The following BPTF variants were observed in gnomAD, a reference collection of about 807,000 sequenced individuals.
BPTF encodes nucleosome-remodeling factor subunit BPTF.
BPTF carries 18 observed loss-of-function variants against 292.5 expected under a neutral mutation model. That is an observed-to-expected ratio of 0.06 (90% CI 0.04 to 0.09). BPTF has a LOEUF of 0.09. BPTF is among the 10% of genes least tolerant of loss of function. The probability of loss-of-function intolerance (pLI) is 1.00; values close to 1 mark genes in which losing one functional copy is unlikely to be tolerated. For synonymous variants in BPTF, 1,225 were observed against 1,251.9 expected, an observed-to-expected ratio of 0.98 and a Z score of 0.45; for missense variants, 2,726 against 3,498.7, an observed-to-expected ratio of 0.78 and a Z score of 5.57.
chr17:67,835,909 C>T (rs1256224512), intron 1 of BPTF, among the ~76,000 whole-genome samples: 2 of 152,082 alleles, frequency 1.3e-5, no homozygotes, highest in Non-Finnish European at 2.9e-5. Flanking sequence ...TTGTGATCCG[C>T]CCACCTCAGC....
intron 1 of BPTF, among the ~76,000 whole-genome samples, chr17:67,828,459 A>C (rs1423444330): frequency 6.6e-6 from 1 of 152,198 alleles, no homozygotes; most frequent in Non-Finnish European, 1.5e-5. Flanking sequence ...GCATATGCTG[A>C]CTTAAATTAC....
chr17:67,975,841 T>C lies in BPTF; in HGVS notation c.8609T>C (p.Met2870Thr), dbSNP rs782736894. ...YEKLTEFVADMTKIFDNCRYY... is the reference protein window; with the variant it reads ...YEKLTEFVADTTKIFDNCRYY... Reference sequence around the variant, plus strand: ...AAGCTGACGGAATTTGTGGCAGATATGACCAAAATTTTTGATAACTGTCGT... The same window carrying C: ...AAGCTGACGGAATTTGTGGCAGATACGACCAAAATTTTTGATAACTGTCGT... Residue 2870 changes from methionine (M) to threonine (T), a missense_variant, in exon 27 of 28, where the codon ATG (methionine) becomes ACG (threonine). Coordinates refer to ENST00000306378, the MANE Select transcript of BPTF (RefSeq NM_182641.4). 3.1e-6 allele frequency: 5 copies of C among 1,613,988 alleles called. No homozygotes were observed. The highest frequency in any genetic ancestry group is 2.2e-5 in the East Asian group (1 of 44,882).
intron 1 of BPTF, among the ~76,000 whole-genome samples, chr17:67,844,715 A>G (rs1254076482): frequency 1.3e-5 from 2 of 151,812 alleles, no homozygotes; most frequent in East Asian, 1.9e-4. Context: ...GCCTTACAGT[A>G]TGTCTCACCA....
rs1325793787 is a variant in BPTF, at chr17:67,911,254, C to A, written c.3370C>A (p.Gln1124Lys). 6.2e-7 allele frequency: 1 copy of A among 1,613,862 alleles called. No homozygotes were observed. Among genetic ancestry groups the A allele is most frequent in the East Asian group, 2.2e-5 (1 of 44,874 alleles). ...TCAGAGTGACTCGATGAGACAAGAA[C>A]AGAGCCCAAATGCAAATAATGATCA... ...GCQSDSMRQE[Q>K]SPNANNDQPE... is the part of the protein sequence containing the mutation. The change falls in exon 11 of 28, where the codon CAG becomes AAG. Residue 1124 changes from glutamine (Q) to lysine (K), a missense_variant. Transcript: ENST00000306378.
chr17:67,940,512 G>A lies in BPTF; in HGVS notation c.6333G>A (p.Thr2111=), dbSNP rs550599474. The A allele has an allele frequency of 9.3e-6, 15 of 1,613,994 alleles. No homozygotes were observed. The East Asian group carries it at 1.1e-4, about 12-fold the overall frequency. The change falls in exon 19 of 28, where the codon ACG becomes ACA. Residue 2111 remains threonine (T), a synonymous_variant. Transcript: ENST00000306378. Reference sequence around the variant, plus strand: ...CCACTGCAGTCTCCGCCCCTAACACGGTTTCCTCAACACCTGGGCAGAAAA... The same window carrying A: ...CCACTGCAGTCTCCGCCCCTAACACAGTTTCCTCAACACCTGGGCAGAAAA... The part of the protein sequence containing the change: ...PVSTAVSAPN[T]VSSTPGQKSL...
chr17:67,923,144 C>T (rs977681794), intron 14 of BPTF, among the ~76,000 whole-genome samples, 154 bp downstream of exon 14: 1 of 151,604 alleles, frequency 6.6e-6, no homozygotes, highest in Non-Finnish European at 1.5e-5. Context: ...CAACCTCTGC[C>T]TCCCAGGCTC....
At chr17:67,852,167 A>G (rs901450228) in intron 1 of BPTF, among the ~76,000 whole-genome samples, 1 of 152,138 alleles carries the variant, frequency 6.6e-6, no homozygotes, top group African/African-American at 2.4e-5. Context: ...GAATCTTTGA[A>G]TTTAGTATAA....
chr17:67,843,250 A>G (rs1238826051), intron 1 of BPTF, among the ~76,000 whole-genome samples: 5 of 150,558 alleles, frequency 3.3e-5, no homozygotes, highest in South Asian at 4.2e-4. Flanking sequence ...ACATGTAAAT[A>G]TATATCTACA....
chr17:67,866,875 C>T (rs1306094864), intron 3 of BPTF, among the ~76,000 whole-genome samples, 188 bp downstream of exon 3: 2 of 152,356 alleles, frequency 1.3e-5, no homozygotes, highest in Non-Finnish European at 2.9e-5. Flanking sequence ...ATAGAGTACA[C>T]TTACACAAAC....
intron 26 of BPTF, among the ~76,000 whole-genome samples, chr17:67,971,900 ATC>A (rs1387236514): frequency 1.3e-5 from 2 of 151,880 alleles, no homozygotes; most frequent in Non-Finnish European, 2.9e-5. Flanking sequence ...AATAGTGTAT[ATC>A]TATGGCATTC....
At chr17:67,980,980 A>G (rs1362777315) in intron 27 of BPTF, among the ~76,000 whole-genome samples, 2 of 152,178 alleles carry the variant, frequency 1.3e-5, no homozygotes, top group African/African-American at 4.8e-5. Context: ...CAACATGGGG[A>G]AACCCCATCC....
rs1204427679 is a variant in BPTF at position 67,929,450 on chromosome 17, A to G, written c.6113A>G (p.Asn2038Ser). 1 of 1,614,058 alleles carries G rather than the reference A, an allele frequency of 6.2e-7. No homozygotes were observed. Among genetic ancestry groups the G allele is most frequent in the East Asian group, 2.2e-5 (1 of 44,892 alleles). ...PRTATVTIRP[N>S]TSGSGGTTSN... is the part of the protein sequence containing the mutation. The stretch of plus-strand genomic sequence containing the variant: ...ACAGCAACAGTCACAATTAGGCCCA[A>G]TACCTCAGGCTCTGGAGGAACCACA... The change falls in exon 17 of 28, where the codon AAT (asparagine) becomes AGT (serine). Residue 2038 changes from asparagine to serine, a missense_variant. Coordinates refer to ENST00000306378, the MANE Select transcript of BPTF (RefSeq NM_182641.4).
intron 1 of BPTF, among the ~76,000 whole-genome samples, chr17:67,842,817 C>CAAAAAAAAAAAAAA (rs60085248): frequency 6.3e-5 from 3 of 47,796 alleles, no homozygotes; most frequent in Non-Finnish European, 8.2e-5. Flanking sequence ...CAATTAAGGC[C>CAAAAAAAAAAAAAA]AAAAAAAAAA....
chr17:67,904,051 CAG>C (rs765006682), intron 8 of BPTF, 133 bp downstream of exon 8: 12 of 866,438 alleles, frequency 1.4e-5, no homozygotes, highest in Admixed American at 1.1e-4. Context: ...TATTTTGAGA[CAG>C]AGTCTCGCTC....
rs541100520 is a variant in BPTF at position 67,909,124 on chromosome 17, C to T, written c.2813-458C>T. On this transcript the variant is annotated intron_variant, in intron 9 of 27. Transcript: ENST00000306378. Reference sequence around the variant, plus strand: ...TGCTGGGATTACAGGCATGAGCCACCGCACCAGCCTATAGTATTAATGTTT... The same window carrying T: ...TGCTGGGATTACAGGCATGAGCCACTGCACCAGCCTATAGTATTAATGTTT... Among the ~76,000 whole-genome samples, 134 of 151,968 alleles carry T rather than the reference C, an allele frequency of 8.8e-4. No individual in the cohort carries two copies. In the Middle Eastern group the frequency reaches 0.01, roughly 12 times the overall value.
At chr17:67,852,241 G>T (rs1284621052) in intron 1 of BPTF, among the ~76,000 whole-genome samples, 3 of 151,804 alleles carry the variant, frequency 2.0e-5, no homozygotes, top group African/African-American at 7.3e-5. Flanking sequence ...ATTGATTTGA[G>T]TATTAATATT....
In BPTF at chr17:67,913,147, C is replaced by T. The variant is rs1386401008; in HGVS notation, c.5263C>T (p.Pro1755Ser). ...YNAKPALDIW[P>S]YPSPRPTFGI... ...TGCAAAACCTGCTTTGGATATATGG[C>T]CATATCCTTCTCCTAGACCGACCTT... is the stretch of plus-strand genomic sequence containing the variant. Residue 1755 changes from proline (P) to serine (S), a missense_variant, in exon 11 of 28, where the codon CCA (proline) becomes TCA (serine). Physicochemically the swap from Pro to Ser is moderately conservative, Grantham distance 74. Coordinates refer to ENST00000306378, the MANE Select transcript of BPTF (RefSeq NM_182641.4). 6.2e-7 allele frequency: 1 copy of T among 1,612,850 alleles called. No individual in the cohort carries two copies. Among genetic ancestry groups the T allele is most frequent in the Non-Finnish European group, 8.5e-7 (1 of 1,179,576 alleles).
intron 7 of BPTF, 119 bp downstream of exon 7, chr17:67,894,284 T>A: frequency 1.0e-6 from 1 of 994,216 alleles, no homozygotes; most frequent in Non-Finnish European, 1.5e-6. Flanking sequence ...ACTTTTGGCC[T>A]CATTTTCTTC....
intron 25 of BPTF, among the ~76,000 whole-genome samples, 185 bp downstream of exon 25, chr17:67,964,589 ACCACGTCAGCTTATCTC>A (rs1307890595): frequency 1.3e-5 from 2 of 152,106 alleles, no homozygotes; most frequent in Non-Finnish European, 2.9e-5. Flanking sequence ...ATATCCCCAC[ACCACGTCAGCTTATCTC>A]ACACTCACAA....
Sources: allele counts gnomAD v4.1 joint callset (sites outside exome capture counted in the v4.1 genomes callset), GRCh38; gene constraint gnomAD v4.1.1; transcripts MANE v1.5; gene names NCBI Gene and HGNC (gene_info 2026-07-23, HGNC 2026-07-21).